ZNF83: variants seen among roughly 807,000 people sequenced by gnomAD.
The protein encoded by ZNF83 is zinc finger protein 816B.
For missense variants in ZNF83, 552 were observed against 629.9 expected (o/e 0.88, Z 1.32); for synonymous variants, 209 against 213.0 (o/e 0.98, Z 0.17).
rs34235519 is a variant in ZNF83, at chr19:52,667,224, GAAAA to G, written c.-282-6385_-282-6382del. On this transcript the variant is annotated intron_variant, in intron 1 of 5. Coordinates refer to the ZNF83 transcript ENST00000594682. ...TTGGGAAAGAATGGTTATCATCTTT[GAAAA>G]AAAAAAAAAAAAAAAGGAGGAAGGA... 9.3e-5 allele frequency among the ~76,000 whole-genome samples: 8 copies of G among 86,222 alleles called. No homozygotes were observed. The East Asian group carries it at 3.9e-3, about 42-fold the overall frequency. The allele number at this position is 86,222 out of a possible 152,430, so 56.6% of individuals were successfully genotyped here.
Position 52,688,989 on chromosome 19 carries a change from C to A in ZNF83, c.-283+1454G>T, listed in dbSNP as rs573037206. On this transcript the variant is annotated intron_variant, in intron 1 of 5. Coordinates refer to the ZNF83 transcript ENST00000594682. ...AAAAAAAAAGAGAGAGATTATTTTA[C>A]TGTTACTCTTTTTCCAGGCTTCTTA... is the stretch of plus-strand genomic sequence containing the variant. Among the ~76,000 whole-genome samples the A allele has an allele frequency of 1.4e-4, 21 of 145,920 alleles. No individual in the cohort carries two copies. In the South Asian group the frequency reaches 4.6e-3, roughly 32 times the overall value.
At chr19:52,688,085 T>TTATTAGATTATATTAGATTATTAGATTA (rs1245946527) in intron 1 of ZNF83, among the ~76,000 whole-genome samples, 1 of 152,076 alleles carries the variant, frequency 6.6e-6, no homozygotes, top group African/African-American at 2.4e-5. Context: ...AAGTTTTAAA[T>TTATTAGATTATATTAGATTATTAGATTA]TATTAGATTA....
At chr19:52,668,713 A>G (rs1312593825) in intron 1 of ZNF83, among the ~76,000 whole-genome samples, 1 of 152,236 alleles carries the variant, frequency 6.6e-6, no homozygotes, top group African/African-American at 2.4e-5. Flanking sequence ...AAATGGATCA[A>G]ATATTCCCTC....
intron 1 of ZNF83, among the ~76,000 whole-genome samples, chr19:52,664,511 G>A (rs2061621819): frequency 6.6e-6 from 1 of 152,092 alleles, no homozygotes; most frequent in Non-Finnish European, 1.5e-5. Context: ...AAAAAAAGAA[G>A]AAGAAGGAAC....
intron 1 of ZNF83, among the ~76,000 whole-genome samples, chr19:52,671,184 CAT>C (rs1375594950): frequency 6.6e-6 from 1 of 151,944 alleles, no homozygotes; most frequent in Non-Finnish European, 1.5e-5. Context: ...TCTTCTTTGC[CAT>C]ATGTTTTGTG....
intron 1 of ZNF83, among the ~76,000 whole-genome samples, chr19:52,680,646 T>C (rs1397701710): frequency 2.3e-5 from 3 of 130,312 alleles, no homozygotes; most frequent in East Asian, 2.2e-4. Context: ...GGAGTCTCGC[T>C]CTGTCGCCCA....
At chr19:52,682,655 G>A (rs193020402) in intron 1 of ZNF83, among the ~76,000 whole-genome samples, 156 of 151,740 alleles carry the variant, frequency 1.0e-3, no homozygotes, top group Non-Finnish European at 1.9e-3. Context: ...GCAACAAAGC[G>A]AGACTCCATC....
intron 3 of ZNF83, among the ~76,000 whole-genome samples, chr19:52,645,638 C>G (rs1265332333): frequency 8.5e-5 from 13 of 152,080 alleles, no homozygotes; most frequent in Non-Finnish European, 2.9e-5. Flanking sequence ...GAAACTCCAT[C>G]TCTACTGAAA....
intron 1 of ZNF83, among the ~76,000 whole-genome samples, chr19:52,674,510 C>G (rs1418757419): frequency 4.6e-5 from 7 of 152,222 alleles, no homozygotes; most frequent in African/African-American, 1.7e-4. Flanking sequence ...TGACACGATC[C>G]TCTGTGTAGA....
At chr19:52,639,105 C>A (rs961532378), upstream of ZNF83, among the ~76,000 whole-genome samples, 12 of 152,084 alleles carry the variant, frequency 7.9e-5, no homozygotes, top group African/African-American at 2.9e-4. Context: ...CTATCAGTTT[C>A]TTTTTTTGTT....
intron 2 of ZNF83, among the ~76,000 whole-genome samples, chr19:52,631,710 T>C (rs376380113): frequency 2.0e-5 from 3 of 152,154 alleles, no homozygotes; most frequent in Admixed American, 2.0e-4. Flanking sequence ...CATTTCCCCA[T>C]ATTTCCTTCT....
At chr19:52,627,454 GA>G (rs1907053882) in intron 2 of ZNF83, among the ~76,000 whole-genome samples, 1 of 152,038 alleles carries the variant, frequency 6.6e-6, no homozygotes. Flanking sequence ...CTGAGGTCAG[GA>G]ATTCAAGACC....
rs927578372 is a variant in ZNF83, at chr19:52,613,179, A to G, written c.1386T>C (p.Cys462=). ...TTGAACGCATACTAAAAGCTTTGCC[A>G]CATTCATTACATTTGAAAGGTTTCT... The change falls in exon 3 of 3, where the codon TGT becomes TGC. Residue 462 remains cysteine (C), a synonymous_variant. Transcript: ENST00000301096. 2.5e-6 allele frequency: 4 copies of G among 1,614,040 alleles called. No individual in the cohort carries two copies. The African/African-American group carries it at 5.3e-5, about 22-fold the overall frequency.
chr19:52,634,149 G>A (rs1157904842), intron 2 of ZNF83, among the ~76,000 whole-genome samples: 1 of 151,966 alleles, frequency 6.6e-6, no homozygotes, highest in Non-Finnish European at 1.5e-5. Context: ...GCATGTACCT[G>A]TAATCTCAGC....
upstream of ZNF83, among the ~76,000 whole-genome samples, chr19:52,641,146 C>T (rs2061299742): frequency 6.6e-6 from 1 of 151,452 alleles, no homozygotes; most frequent in African/African-American, 2.4e-5. Flanking sequence ...CCCCAGGCGG[C>T]CTCCTCCCTC....
At chr19:52,642,164 A>G (rs2061315155), upstream of ZNF83, among the ~76,000 whole-genome samples, 1 of 151,018 alleles carries the variant, frequency 6.6e-6, no homozygotes, top group African/African-American at 2.4e-5. Context: ...ACACCTGTGC[A>G]GATAAGCTAT....
intron 3 of ZNF83, among the ~76,000 whole-genome samples, chr19:52,649,164 C>T (rs899743966): frequency 2.0e-5 from 3 of 152,156 alleles, no homozygotes; most frequent in African/African-American, 7.2e-5. Flanking sequence ...TGCTTCAAAC[C>T]TGGCTTTCGC....
At chr19:52,622,485 C>A (rs926651812) in intron 2 of ZNF83, among the ~76,000 whole-genome samples, 1 of 152,182 alleles carries the variant, frequency 6.6e-6, no homozygotes, top group African/African-American at 2.4e-5. Flanking sequence ...AAACCTTCAA[C>A]AAGGCATCTG....
At chr19:52,650,622 T>G (rs995018692) in intron 3 of ZNF83, 2 of 152,170 alleles carry the variant, frequency 1.3e-5, no homozygotes, top group Non-Finnish European at 2.9e-5. Flanking sequence ...TGCCCTCTAA[T>G]ATAAATTGTT....
Sources: allele counts gnomAD v4.1 joint callset (sites outside exome capture counted in the v4.1 genomes callset), GRCh38; gene constraint gnomAD v4.1.1; transcripts MANE v1.5; gene names NCBI Gene and HGNC (gene_info 2026-07-23, HGNC 2026-07-21).